KCNIP4: variants seen among roughly 807,000 people sequenced by gnomAD.
KCNIP4 encodes the protein Kv channel-interacting protein 4.
In KCNIP4, 12 loss-of-function variants were observed where a neutral mutation model predicts 34.0. That is an observed-to-expected ratio of 0.35 (90% CI 0.23 to 0.57). The LOEUF (loss-of-function observed/expected upper bound fraction) is 0.57. Ranked by LOEUF, KCNIP4 falls within the 20% of genes least tolerant of loss-of-function variation. The probability of loss-of-function intolerance (pLI) is 0.83; values close to 1 mark genes in which losing one functional copy is unlikely to be tolerated. For synonymous variants in KCNIP4, 124 were observed against 102.2 expected (o/e 1.21, Z -1.29); for missense variants, 238 against 311.7 (o/e 0.76, Z 1.78).
chr4:21,198,104 G>A (rs534435986), intron 1 of KCNIP4, among the ~76,000 whole-genome samples: 22 of 152,274 alleles, frequency 1.4e-4, no homozygotes, highest in African/African-American at 4.8e-4. Context: ...GAAAATTCAG[G>A]TAAGGACCTG....
At chr4:21,098,710 T>G (rs1044549841) in intron 1 of KCNIP4, among the ~76,000 whole-genome samples, 1 of 152,062 alleles carries the variant, frequency 6.6e-6, no homozygotes, top group African/African-American at 2.4e-5. Context: ...TGAAAACATA[T>G]AAGGAGATTA....
At chr4:21,461,956 A>G (rs905917067) in intron 1 of KCNIP4, among the ~76,000 whole-genome samples, 2 of 152,074 alleles carry the variant, frequency 1.3e-5, no homozygotes, top group African/African-American at 4.8e-5. Flanking sequence ...ATAAAGTACA[A>G]TGTTTCAATA....
chr4:21,057,802 A>G (rs575499912), intron 1 of KCNIP4, among the ~76,000 whole-genome samples: 1 of 152,218 alleles, frequency 6.6e-6, no homozygotes. Context: ...AGCACAGGAT[A>G]AGAATTGTAA....
chr4:21,097,100 C>T (rs1316305799), intron 1 of KCNIP4, among the ~76,000 whole-genome samples: 1 of 152,228 alleles, frequency 6.6e-6, no homozygotes, highest in Middle Eastern at 3.4e-3. Context: ...TAGCTATCTT[C>T]CCCAAAGAAA....
intron 1 of KCNIP4, among the ~76,000 whole-genome samples, chr4:21,107,090 G>C (rs538333206): frequency 6.8e-6 from 1 of 147,116 alleles, no homozygotes; most frequent in Admixed American, 6.7e-5. Context: ...TTGGGGTGGA[G>C]AGTTCTGTAG....
intron 1 of KCNIP4, among the ~76,000 whole-genome samples, chr4:21,663,281 G>A (rs1160752349): frequency 1.3e-5 from 2 of 152,156 alleles, no homozygotes; most frequent in Non-Finnish European, 2.9e-5. Context: ...TGTGTATCAA[G>A]GTGATTGTGG....
intron 1 of KCNIP4, chr4:21,303,951 C>A (rs1712050077): frequency 1.9e-6 from 3 of 1,597,704 alleles, no homozygotes; most frequent in Non-Finnish European, 1.7e-6. Context: ...AGAAGTGCTC[C>A]TCTGCCTGGC....
chr4:21,029,351 C>G (rs1447133096), intron 1 of KCNIP4, among the ~76,000 whole-genome samples: 2 of 152,130 alleles, frequency 1.3e-5, no homozygotes, highest in Non-Finnish European at 2.9e-5. Flanking sequence ...TAAGATTGCT[C>G]TGAGCAGTAG....
intron 3 of KCNIP4, among the ~76,000 whole-genome samples, chr4:20,768,821 C>A (rs16869949): frequency 0.065 from 9,861 of 152,096 alleles, 462 homozygotes; most frequent in East Asian, 0.2. Flanking sequence ...GTTAAATAGG[C>A]ACTGCAGATT....
At chr4:21,754,799 A>C (rs1717393573) in intron 1 of KCNIP4, among the ~76,000 whole-genome samples, 1 of 152,216 alleles carries the variant, frequency 6.6e-6, no homozygotes, top group South Asian at 2.1e-4. Flanking sequence ...TAATTCTGAA[A>C]AACTTCAGAA....
rs115347760 is a variant in KCNIP4, at chr4:21,182,834, G to T, written c.62-300125C>A. On this transcript the variant is annotated intron_variant, in intron 1 of 8. Transcript: ENST00000382152. Reference sequence around the variant, plus strand: ...ACGTATGCATCATGGAATGGTTCAAGAGAGATAATTTACATATGCATGCTC... The same window carrying T: ...ACGTATGCATCATGGAATGGTTCAATAGAGATAATTTACATATGCATGCTC... Among the ~76,000 whole-genome samples the T allele has an allele frequency of 6.2e-3, 948 of 152,176 alleles. 11 individuals carry two copies. The highest frequency in any genetic ancestry group is 0.022 in the African/African-American group (901 of 41,524).
In KCNIP4 at chr4:21,245,196, G is replaced by C. The variant is rs147868934; in HGVS notation, c.62-362487C>G. On this transcript the variant is annotated intron_variant, in intron 1 of 8. Transcript: ENST00000382152. ...TGCCTACCACAGTAACTTGCTGTGA[G>C]GTTAAAATGGGAAAACACATGTCAT... is the stretch of plus-strand genomic sequence containing the variant. 1.6e-3 allele frequency among the ~76,000 whole-genome samples: 251 copies of C among 152,262 alleles called. 1 individual carries two copies. The highest frequency in any genetic ancestry group is 5.7e-3 in the African/African-American group (236 of 41,552).
intron 1 of KCNIP4, among the ~76,000 whole-genome samples, chr4:21,796,187 A>G (rs1265824953): frequency 1.3e-5 from 2 of 152,174 alleles, no homozygotes; most frequent in African/African-American, 4.8e-5. Flanking sequence ...CTGGTTTCTC[A>G]TGGGATGTTA....
At chr4:21,589,301 G>T (rs150191697) in intron 1 of KCNIP4, among the ~76,000 whole-genome samples, 8,607 of 133,740 alleles carry the variant, frequency 0.064, 460 homozygotes, top group African/African-American at 0.13. Flanking sequence ...TATGTGTATA[G>T]ATACATATAT....
chr4:21,030,824 G>A (rs10938825), intron 1 of KCNIP4, among the ~76,000 whole-genome samples: 3,636 of 152,250 alleles, frequency 0.024, 142 homozygotes, highest in African/African-American at 0.082. Flanking sequence ...GTAGCGGAAC[G>A]AGGATAAATC....
At chr4:21,757,403 G>A (rs1717740498) in intron 1 of KCNIP4, among the ~76,000 whole-genome samples, 1 of 152,102 alleles carries the variant, frequency 6.6e-6, no homozygotes, top group Admixed American at 6.6e-5. Context: ...ATGTGGGTTT[G>A]GACTAAATAA....
intron 1 of KCNIP4, among the ~76,000 whole-genome samples, chr4:21,789,729 GT>G (rs1720153468): frequency 6.6e-6 from 1 of 152,046 alleles, no homozygotes; most frequent in South Asian, 2.1e-4. Flanking sequence ...GTAGATTATT[GT>G]TTTTGTGCCA....
chr4:21,494,745 C>T (rs1363033671), intron 1 of KCNIP4, among the ~76,000 whole-genome samples: 1 of 148,848 alleles, frequency 6.7e-6, no homozygotes, highest in Non-Finnish European at 1.5e-5. Flanking sequence ...TACACATACT[C>T]CAGCTTGGGC....
chr4:20,764,857 G>GTCT (rs1755258572), intron 3 of KCNIP4, among the ~76,000 whole-genome samples: 1 of 152,182 alleles, frequency 6.6e-6, no homozygotes, highest in African/African-American at 2.4e-5. Context: ...TCGCTGTGAT[G>GTCT]GCACTCAGCC....
Sources: allele counts gnomAD v4.1 joint callset (sites outside exome capture counted in the v4.1 genomes callset), GRCh38; gene constraint gnomAD v4.1.1; transcripts MANE v1.5; gene names NCBI Gene and HGNC (gene_info 2026-07-23, HGNC 2026-07-21).